SLC5A11: variants seen among roughly 807,000 people sequenced by gnomAD.
The protein encoded by SLC5A11 is solute carrier family 5 member 11.
Under a neutral mutation model 69.8 loss-of-function variants are expected in SLC5A11, and 48 were observed. The observed-to-expected ratio is 0.69, with a 90% CI of 0.55 to 0.87. SLC5A11 has a LOEUF of 0.87. Among genes scored for constraint, SLC5A11 ranks in the 40% least tolerant of loss-of-function variants. The pLI, the probability that SLC5A11 is intolerant of heterozygous loss-of-function variation, is 0.00. For missense variants in SLC5A11, 784 were observed against 866.1 expected (o/e 0.91, Z 1.19); for synonymous variants, 319 against 342.4 (o/e 0.93, Z 0.75).
At chr16:24,847,764 C>G (rs929353332) in intron 1 of SLC5A11, among the ~76,000 whole-genome samples, 5 of 152,184 alleles carry the variant, frequency 3.3e-5, no homozygotes, top group South Asian at 2.1e-4. Flanking sequence ...AAATGCTGTC[C>G]CTTTTTTGGG....
At chr16:24,862,510 C>A (rs1024013709) in intron 2 of SLC5A11, 91 bp from the exon 4 acceptor site, 18 of 923,270 alleles carry the variant, frequency 1.9e-5, no homozygotes, top group Admixed American at 4.0e-5. Flanking sequence ...TCAGGACTCC[C>A]AGTTTGCAAT....
intron 2 of SLC5A11, among the ~76,000 whole-genome samples, chr16:24,860,065 C>T (rs1160148053): frequency 1.3e-5 from 2 of 152,178 alleles, no homozygotes; most frequent in Non-Finnish European, 2.9e-5. Context: ...GTGGGCAGAT[C>T]ACTTGAGGCC....
chr16:24,893,544 ACTT>A (rs1900485952), intron 9 of SLC5A11, among the ~76,000 whole-genome samples: 1 of 151,120 alleles, frequency 6.6e-6, no homozygotes, highest in Non-Finnish European at 1.5e-5. Flanking sequence ...AGGTTTCTGA[ACTT>A]CTTTTTTATT....
At chr16:24,893,044 G>A (rs1025086823) in intron 9 of SLC5A11, among the ~76,000 whole-genome samples, 2 of 150,946 alleles carry the variant, frequency 1.3e-5, no homozygotes, top group Non-Finnish European at 1.5e-5. Flanking sequence ...GTCAAGGCGG[G>A]TGGATCACCT....
At chr16:24,855,786 G>A (rs533286669) in intron 1 of SLC5A11, among the ~76,000 whole-genome samples, 15 of 152,246 alleles carry the variant, frequency 9.9e-5, no homozygotes, top group Non-Finnish European at 1.8e-4. Flanking sequence ...TATGAGGAAC[G>A]GGCCCTCACC....
intron 5 of SLC5A11, among the ~76,000 whole-genome samples, chr16:24,873,801 T>C (rs1236138137): frequency 6.6e-6 from 1 of 151,008 alleles, no homozygotes; most frequent in Non-Finnish European, 1.5e-5. Context: ...GAAGGGTGGG[T>C]CATAGATAAT....
At position 24,890,712 on chromosome 16, in the gene SLC5A11, T is replaced by A. The variant is rs2048736049; in HGVS notation, c.665-157T>A. On this transcript the variant is annotated intron_variant, in intron 8 of 15. Transcript: ENST00000347898. ...AAACTCTAATATTAATTTTTTTAAG[T>A]TAAAAAAATGTGGGGAGGAGGTTAA... is the stretch of plus-strand genomic sequence containing the variant. 2.0e-5 allele frequency among the ~76,000 whole-genome samples: 3 copies of A among 152,038 alleles called. No individual in the cohort carries two copies. The South Asian group carries it at 6.2e-4, about 32-fold the overall frequency.
chr16:24,892,862 A>G (rs1306937491), intron 9 of SLC5A11, among the ~76,000 whole-genome samples: 3 of 152,166 alleles, frequency 2.0e-5, no homozygotes. Flanking sequence ...TGATGAGAGC[A>G]ATGCACATGT....
chr16:24,880,641 A>AGG (rs1567630533), intron 7 of SLC5A11, among the ~76,000 whole-genome samples: 4 of 152,158 alleles, frequency 2.6e-5, no homozygotes, highest in Admixed American at 1.3e-4. Context: ...GCCTAGTGCT[A>AGG]CACACTTTTA....
exon 3 of SLC5A11, chr16:24,862,611 A>G (rs2046646957): frequency 1.2e-6 from 2 of 1,613,306 alleles, no homozygotes; most frequent in East Asian, 2.2e-5. Context: ...TCCACAGTGA[A>G]GACCAAAAGA....
intron 8 of SLC5A11, among the ~76,000 whole-genome samples, chr16:24,888,162 G>A (rs17178422): frequency 0.39 from 59,265 of 151,812 alleles, 12,846 homozygotes; most frequent in Non-Finnish European, 0.5. Flanking sequence ...GTATAAAAGC[G>A]TTGTTCAGAT....
At position 24,857,219 on chromosome 16, in the gene SLC5A11, T is replaced by TG. The variant is rs552838920; in HGVS notation, c.-24-1400dup. ...TGCTGTTGTTGTCCATGGGTGGCTT[T>TG]GTCCCATCACTGGGCTGTGCATTGC... On this transcript the variant is annotated intron_variant, in intron 1 of 15. Coordinates refer to ENST00000347898, the Ensembl canonical transcript of SLC5A11. Among the ~76,000 whole-genome samples the TG allele has an allele frequency of 2.7e-3, 413 of 152,344 alleles. 2 individuals are homozygous for TG. The highest frequency in any genetic ancestry group is 4.8e-3 in the Non-Finnish European group (327 of 68,034).
intron 12 of SLC5A11, among the ~76,000 whole-genome samples, chr16:24,907,455 G>A (rs530346798): frequency 2.0e-5 from 3 of 152,298 alleles, no homozygotes; most frequent in Admixed American, 1.3e-4. Context: ...GCTCACACCT[G>A]TAATCACAGT....
intron 5 of SLC5A11, among the ~76,000 whole-genome samples, chr16:24,874,011 G>T (rs2047507591): frequency 6.6e-6 from 1 of 152,014 alleles, no homozygotes. Flanking sequence ...ATTTTTAGTA[G>T]AGATGGGGTT....
intron 4 of SLC5A11, among the ~76,000 whole-genome samples, chr16:24,871,299 C>A (rs2152302097): frequency 6.6e-6 from 1 of 152,204 alleles, no homozygotes; most frequent in South Asian, 2.1e-4. Context: ...GAGACAGGGT[C>A]TCGCTCTGTC....
chr16:24,884,212 G>A, intron 8 of SLC5A11, 81 bp downstream of exon 9: 4 of 1,362,038 alleles, frequency 2.9e-6, no homozygotes, highest in South Asian at 1.2e-5. Flanking sequence ...ACTGTGAACG[G>A]CAAACCTAGC....
At chr16:24,893,116 C>CAAAAAAAAAA (rs58331547) in intron 9 of SLC5A11, among the ~76,000 whole-genome samples, 29 of 99,092 alleles carry the variant, frequency 2.9e-4, no homozygotes, top group African/African-American at 6.4e-4. Context: ...ACTAAAAATA[C>CAAAAAAAAAA]AAAAAAAAAA....
rs777238576 is a variant in SLC5A11, at chr16:24,907,204, A to AG, written c.1265+34dup. The AG allele has an allele frequency of 4.3e-6, 7 of 1,611,458 alleles. No individual in the cohort carries two copies. The Admixed American group carries it at 1.2e-4, about 27-fold the overall frequency. On this transcript the variant is annotated intron_variant, in intron 12 of 15. Transcript: ENST00000347898. The stretch of plus-strand genomic sequence containing the variant: ...AGTCCCCACTGGGTGGGGCTGGGGC[A>AG]GGGGGAAGAGAGAGCTGAGCCCACC...
exon 2 of SLC5A11, chr16:24,858,717 A>T: frequency 6.2e-7 from 1 of 1,611,920 alleles, no homozygotes; most frequent in Middle Eastern, 2.0e-4. Flanking sequence ...AAGGGCTTGG[A>T]GCCTGGGGAC....
Sources: gnomAD v4.1 joint callset for allele counts (sites outside exome capture counted in the v4.1 genomes callset) on GRCh38, gnomAD v4.1.1 for gene constraint, MANE v1.5 for transcripts, NCBI Gene and HGNC (gene_info 2026-07-23, HGNC 2026-07-21) for gene names.